Variants in SETDB1 observed in about 807,000 individuals in gnomAD.
SETDB1 encodes the protein histone-lysine N-methyltransferase SETDB1.
In SETDB1, 31 loss-of-function variants were observed where a neutral mutation model predicts 137.4. The ratio of observed to expected loss-of-function variants is 0.23; its 90% CI spans 0.17 to 0.30. The LOEUF (loss-of-function observed/expected upper bound fraction) is 0.30. Ranked by LOEUF, SETDB1 falls within the 10% of genes least tolerant of loss-of-function variation. The pLI, the probability that SETDB1 is intolerant of heterozygous loss-of-function variation, is 1.00. For missense variants in SETDB1, 1,113 were observed against 1,631.5 expected, an observed-to-expected ratio of 0.68 and a Z score of 5.47; for synonymous variants, 548 against 579.9, an observed-to-expected ratio of 0.95 and a Z score of 0.79.
At chr1:150,944,020 C>T (rs1670245326) in intron 8 of SETDB1, 27 bp downstream of exon 8, 2 of 1,454,154 alleles carry the variant, frequency 1.4e-6, no homozygotes, top group Non-Finnish European at 1.9e-6. Context: ...TATTCCTTAG[C>T]TCAGTTTTCT....
chr1:150,961,482 C>T (rs1356164712), intron 16 of SETDB1: 4 of 360,778 alleles, frequency 1.1e-5, no homozygotes, highest in East Asian at 1.4e-4. Flanking sequence ...GGTGAAACCC[C>T]GTCTCTACTA....
In SETDB1 at chr1:150,941,615, G is replaced by A. The variant is rs587650401; in HGVS notation, c.547+187G>A. Reference sequence around the variant, plus strand: ...GGTTTTATCTCAATACCTCTTTAGCGTCCTACATTTAGGCTGTTTCCATCC... The same window carrying A: ...GGTTTTATCTCAATACCTCTTTAGCATCCTACATTTAGGCTGTTTCCATCC... On this transcript the variant is annotated intron_variant, in intron 5 of 21. Coordinates refer to ENST00000692827, the MANE Select transcript of SETDB1 (RefSeq NM_001366418.1). Among the ~76,000 whole-genome samples the A allele has an allele frequency of 3.9e-5, 6 of 152,230 alleles. No individual in the cohort carries two copies. In the East Asian group the frequency reaches 7.7e-4, roughly 20 times the overall value.
At chr1:150,952,046 G>A (rs1319185111) in intron 14 of SETDB1, among the ~76,000 whole-genome samples, 1 of 152,012 alleles carries the variant, frequency 6.6e-6, no homozygotes, top group Non-Finnish European at 1.5e-5. Context: ...TACTTGGGAG[G>A]CTGAGGCAGG....
intron 14 of SETDB1, among the ~76,000 whole-genome samples, chr1:150,955,074 G>T (rs911644786): frequency 1.3e-5 from 2 of 152,214 alleles, no homozygotes; most frequent in Non-Finnish European, 2.9e-5. Flanking sequence ...CTACTGGGGA[G>T]ATCATAGGAT....
chr1:150,938,304 T>C (rs587732691), intron 3 of SETDB1, among the ~76,000 whole-genome samples: 1 of 152,024 alleles, frequency 6.6e-6, no homozygotes, highest in Admixed American at 6.6e-5. Context: ...CATGATTCTC[T>C]TTATATGAGA....
At chr1:150,958,077 T>G (rs1670703235) in intron 14 of SETDB1, among the ~76,000 whole-genome samples, 1 of 151,684 alleles carries the variant, frequency 6.6e-6, no homozygotes, top group South Asian at 2.1e-4. Context: ...TCTCAGCTAC[T>G]TGGGAGGCTG....
At chr1:150,936,300 T>C (rs772097158) in intron 3 of SETDB1, among the ~76,000 whole-genome samples, 30 of 152,186 alleles carry the variant, frequency 2.0e-4, no homozygotes, top group Non-Finnish European at 4.3e-4. Flanking sequence ...TGTTCAGTTT[T>C]TTTATTTTAA....
rs1670928589 is a variant in SETDB1 at position 150,964,465 on chromosome 1, C to T, written c.*101C>T. ...ACCCGAAGTCTCTGGGCTAGCTACT[C>T]CCCCCAGCTCCTAGTTGATAGAAAT... On this transcript the variant is annotated 3_prime_UTR_variant, in exon 22 of 22. Transcript: ENST00000692827. 5 of 804,516 alleles carry T rather than the reference C, an allele frequency of 6.2e-6. No individual in the cohort carries two copies. Among genetic ancestry groups the T allele is most frequent in the Non-Finnish European group, 1.1e-5 (5 of 466,434 alleles). 49.8% of individuals were successfully genotyped at this position (804,516 alleles called of 1,614,324 possible).
chr1:150,955,913 AC>A (rs1250246546), intron 14 of SETDB1, among the ~76,000 whole-genome samples: 1 of 151,618 alleles, frequency 6.6e-6, no homozygotes, highest in Non-Finnish European at 1.5e-5. Context: ...ACATGGTGAA[AC>A]CCTGTCTCTA....
In SETDB1 at chr1:150,950,867, G is replaced by A; in HGVS notation, c.1993G>A (p.Val665Ile). 6.2e-7 allele frequency: 1 copy of A among 1,614,150 alleles called. No individual in the cohort carries two copies. The change falls in exon 13 of 22, where the codon GTT (valine) becomes ATT (isoleucine). Residue 665 changes from valine (V) to isoleucine (I), a missense_variant. Val to Ile is a conservative substitution (Grantham distance 29, BLOSUM62 3). Transcript: ENST00000692827. ...GGAGATGTTCTGTTTGGATCCATAT[G>A]TTCTTGTGGACCGAAAGTTTCAGCC... ...FLEMFCLDPY[V>I]LVDRKFQPYK...
chr1:150,961,301 C>T, intron 16 of SETDB1, 110 bp downstream of exon 16: 1 of 1,133,904 alleles, frequency 8.8e-7, no homozygotes, highest in Non-Finnish European at 1.3e-6. Flanking sequence ...ATGGATATTT[C>T]TGTGGCCACC....
At chr1:150,950,213 A>T (rs928807822) in intron 12 of SETDB1, among the ~76,000 whole-genome samples, 1 of 50,252 alleles carries the variant, frequency 2.0e-5, no homozygotes, top group African/African-American at 6.8e-5. Flanking sequence ...CAGCCTAGGC[A>T]AAAAGAGCGA....
Position 150,960,663 on chromosome 1 carries a change from A to G in SETDB1, c.2604A>G (p.Lys868=). Residue 868 remains lysine (K), a synonymous_variant, in exon 16 of 22, where the codon AAA becomes AAG. Transcript: ENST00000692827. ...LDHIESVENF[K]EGYESDAPCS... ...ATATCGAGAGCGTGGAGAACTTCAA[A>G]GAAGGATATGAGAGTGATGCCCCCT... 1 of 1,613,936 alleles carries G rather than the reference A, an allele frequency of 6.2e-7. No homozygotes were observed. Among genetic ancestry groups the G allele is most frequent in the African/African-American group, 1.3e-5 (1 of 75,010 alleles).
Position 150,961,015 on chromosome 1 carries a change from T to C in SETDB1, c.2956T>C (p.Leu986=). The change falls in exon 16 of 22, where the codon TTG becomes CTG. Residue 986 remains leucine, a synonymous_variant. Transcript: ENST00000692827. The part of the protein sequence containing the change: ...ETPKNKVASW[L]SCNSVSEGGF... Reference sequence around the variant, plus strand: ...ACCCAAGAACAAGGTGGCCTCATGGTTGAGCTGCAATAGTGTCAGTGAAGG... The same window carrying C: ...ACCCAAGAACAAGGTGGCCTCATGGCTGAGCTGCAATAGTGTCAGTGAAGG... The C allele has an allele frequency of 6.2e-7, 1 of 1,613,888 alleles. No individual in the cohort carries two copies. The highest frequency in any genetic ancestry group is 1.3e-5 in the African/African-American group (1 of 74,912).
chr1:150,931,007 C>G (rs893555861), intron 3 of SETDB1, among the ~76,000 whole-genome samples: 13 of 151,944 alleles, frequency 8.6e-5, no homozygotes, highest in Non-Finnish European at 7.4e-5. Context: ...TACCTGTAAT[C>G]CCAGCACTTT....
intron 3 of SETDB1, among the ~76,000 whole-genome samples, chr1:150,939,598 T>TCC (rs1251786533): frequency 2.0e-5 from 3 of 152,110 alleles, no homozygotes; most frequent in African/African-American, 7.2e-5. Context: ...GTGCTGGGAT[T>TCC]ACAGGCATGA....
rs778727819 is a variant in SETDB1, at chr1:150,946,937, A to T, written c.1192A>T (p.Met398Leu). 1 of 1,614,192 alleles carries T rather than the reference A, an allele frequency of 6.2e-7. No homozygotes were observed. Residue 398 changes from methionine to leucine, a missense_variant, in exon 10 of 22, where the codon ATG becomes TTG. This residue lies in a region of SETDB1 where 154 missense variants were observed against 303.1 expected (regional missense o/e 0.51). Coordinates refer to ENST00000692827, the MANE Select transcript of SETDB1 (RefSeq NM_001366418.1). Reference protein sequence around the residue: ...IYRGSTRLEPMFSMKTSSASA... With the variant: ...IYRGSTRLEPLFSMKTSSASA... ...TCGAGGCTCTACACGGCTGGAGCCC[A>T]TGTTCAGCATGAAAACATCCTCAGC... is the stretch of plus-strand genomic sequence containing the variant.
intron 14 of SETDB1, among the ~76,000 whole-genome samples, chr1:150,952,976 T>C (rs1319662709): frequency 2.0e-5 from 3 of 151,486 alleles, no homozygotes; most frequent in African/African-American, 7.3e-5. Flanking sequence ...CTGGAGAGAG[T>C]GGGATATAAA....
At chr1:150,947,803 T>C (rs1271137079) in intron 10 of SETDB1, among the ~76,000 whole-genome samples, 1 of 152,130 alleles carries the variant, frequency 6.6e-6, no homozygotes, top group Admixed American at 6.5e-5. Flanking sequence ...GATTTGGTTT[T>C]CTTTTTTAAT....
Sources: allele counts gnomAD v4.1 joint callset (sites outside exome capture counted in the v4.1 genomes callset), GRCh38; gene constraint gnomAD v4.1.1; regional missense constraint gnomAD v4.1.1; transcripts MANE v1.5; gene names NCBI Gene and HGNC (gene_info 2026-07-23, HGNC 2026-07-21).